Variants in DNAH10 observed in about 807,000 individuals in gnomAD.
DNAH10 encodes dynein axonemal heavy chain 10.
Under a neutral mutation model 506.6 loss-of-function variants are expected in DNAH10, and 348 were observed. The ratio of observed to expected loss-of-function variants is 0.69; its 90% CI spans 0.63 to 0.75. DNAH10 has a LOEUF of 0.75. Among genes scored for constraint, DNAH10 ranks in the 30% least tolerant of loss-of-function variants. The pLI, the probability that DNAH10 is intolerant of heterozygous loss-of-function variation, is 0.00. For missense variants in DNAH10, 5,179 were observed against 5,787.1 expected, an observed-to-expected ratio of 0.89 and a Z score of 3.41; for synonymous variants, 2,059 against 2,198.6, an observed-to-expected ratio of 0.94 and a Z score of 1.78.
intron 24 of DNAH10, among the ~76,000 whole-genome samples, chr12:123,824,924 T>G (rs1238223570): frequency 1.6e-4 from 25 of 152,142 alleles, no homozygotes; most frequent in Admixed American, 1.6e-3. Context: ...CGTGCATTTT[T>G]GGGGGACGCT....
In DNAH10 at chr12:123,887,135, A is replaced by T; in HGVS notation, c.8824-7A>T. 6.3e-7 allele frequency: 1 copy of T among 1,599,770 alleles called. No individual in the cohort carries two copies. Among genetic ancestry groups the T allele is most frequent in the South Asian group, 1.1e-5 (1 of 88,182 alleles). ...TGACGCCCATGTGCTCTGTGTCTGC[A>T]TCGCAGGTGTTTGAGATCCTGCTGA... On this transcript the variant is annotated splice_region_variant and splice_polypyrimidine_tract_variant and intron_variant, in intron 51 of 78. Transcript: ENST00000673944.
In DNAH10 at chr12:123,787,258, GTATCTATGTC is replaced by G. The variant is rs1275722919; in HGVS notation, c.1422-536_1422-527del. Among the ~76,000 whole-genome samples, 3 of 151,946 alleles carry G rather than the reference GTATCTATGTC, an allele frequency of 2.0e-5. No homozygotes were observed. The highest frequency in any genetic ancestry group is 4.4e-5 in the Non-Finnish European group (3 of 68,000). ...TGTCTATATCCATCTATACAGATAG[GTATCTATGTC>G]TATCTATGTATATGTATTTATATAG... On this transcript the variant is annotated intron_variant, in intron 9 of 78. Transcript: ENST00000673944. This position sits in a 1 kb window ranked among gnomAD's most constrained non-coding sequence, Gnocchi z 4.6.
chr12:123,762,502 C>T lies in DNAH10; in HGVS notation c.166C>T (p.Leu56Phe). ...GAGCGAGGAGGAGGGGCCCTCGGCG[C>T]TCTTCATCTACCGCACTATGGTGCC... is the stretch of plus-strand genomic sequence containing the variant. The part of the protein sequence containing the change: ...QASEEEGPSA[L>F]FIYRTMVPEE... The change falls in exon 1 of 79, where the codon CTC becomes TTC. Residue 56 changes from leucine to phenylalanine, a missense_variant. Leu to Phe is a conservative substitution (Grantham distance 22). This residue lies in a region of DNAH10 where 326 missense variants were observed against 330.8 expected (regional missense o/e 0.99). Coordinates refer to ENST00000673944, the MANE Select transcript of DNAH10 (RefSeq NM_001372106.1). The surrounding 1 kb of genome is among the most constrained non-coding windows in gnomAD (Gnocchi z 5.0). The T allele has an allele frequency of 1.3e-6, 2 of 1,535,786 alleles. No homozygotes were observed. The highest frequency in any genetic ancestry group is 1.8e-6 in the Non-Finnish European group (2 of 1,139,150).
chr12:123,904,494 T>G (rs777305808), intron 57 of DNAH10, among the ~76,000 whole-genome samples: 1 of 151,870 alleles, frequency 6.6e-6, no homozygotes, highest in Non-Finnish European at 1.5e-5. Flanking sequence ...GAACGGTGAG[T>G]CCCTTCCATC....
chr12:123,844,547 A>G (rs1357712632), intron 30 of DNAH10, among the ~76,000 whole-genome samples: 3 of 152,208 alleles, frequency 2.0e-5, no homozygotes, highest in Non-Finnish European at 2.9e-5. Context: ...GTTTTGTTTC[A>G]CTTTTCAGAC....
At chr12:123,894,359 C>T (rs971504956) in intron 53 of DNAH10, among the ~76,000 whole-genome samples, 13 of 151,878 alleles carry the variant, frequency 8.6e-5, no homozygotes, top group Admixed American at 2.6e-4. Context: ...CGGGTTCAAG[C>T]GATTCTCTCA....
intron 39 of DNAH10, among the ~76,000 whole-genome samples, chr12:123,863,090 C>A (rs1951675240): frequency 6.6e-6 from 1 of 151,948 alleles, no homozygotes; most frequent in Non-Finnish European, 1.5e-5. Context: ...AGGAAATAAA[C>A]CAAAATGTTA....
intron 51 of DNAH10, among the ~76,000 whole-genome samples, chr12:123,886,456 T>G (rs1335689428): frequency 6.6e-6 from 1 of 151,644 alleles, no homozygotes; most frequent in Non-Finnish European, 1.5e-5. Flanking sequence ...CCAGAAGGCA[T>G]CCTGGTTGCG....
rs1221433729 is a variant in DNAH10 at position 123,919,594 on chromosome 12, C to T, written c.11506+645C>T. On this transcript the variant is annotated intron_variant, in intron 65 of 78. Coordinates refer to ENST00000673944, the MANE Select transcript of DNAH10 (RefSeq NM_001372106.1). The surrounding 1 kb of genome is among the most constrained non-coding windows in gnomAD (Gnocchi z 4.9). ...TTTCCACCAGCCCCGAAATGAAATC[C>T]CATACCCATTAGCAGTCACCCCCTG... is the stretch of plus-strand genomic sequence containing the variant. Among the ~76,000 whole-genome samples the T allele has an allele frequency of 6.6e-6, 1 of 152,186 alleles. No individual in the cohort carries two copies. The highest frequency in any genetic ancestry group is 1.5e-5 in the Non-Finnish European group (1 of 68,024).
chr12:123,838,369 C>G lies in DNAH10; in HGVS notation c.4903-87C>G. Reference sequence around the variant, plus strand: ...GTTTTGTCTCGGCCGTGCCTGGGCTCTGGTGAGTGCCTGTTCTGGGCTCAA... The same window carrying G: ...GTTTTGTCTCGGCCGTGCCTGGGCTGTGGTGAGTGCCTGTTCTGGGCTCAA... On this transcript the variant is annotated intron_variant, in intron 28 of 78. Coordinates refer to ENST00000673944, the MANE Select transcript of DNAH10 (RefSeq NM_001372106.1). 4.1e-6 allele frequency: 5 copies of G among 1,221,252 alleles called. No homozygotes were observed. In the South Asian group the frequency reaches 7.2e-5, roughly 18 times the overall value. 75.7% of individuals were successfully genotyped at this position (1,221,252 alleles called of 1,614,324 possible).
chr12:123,904,888 C>A (rs570885151), intron 57 of DNAH10, among the ~76,000 whole-genome samples: 1 of 152,150 alleles, frequency 6.6e-6, no homozygotes, highest in African/African-American at 2.4e-5. Flanking sequence ...GAAAAGCCCA[C>A]GGCCACTGTG....
intron 52 of DNAH10, 105 bp from the exon 53 acceptor site, chr12:123,893,128 C>T: frequency 2.4e-6 from 3 of 1,235,392 alleles, no homozygotes; most frequent in South Asian, 2.7e-5. Flanking sequence ...GCTCTCTGGA[C>T]TCAGCACCTG....
chr12:123,847,976 C>G lies in DNAH10; in HGVS notation c.5830C>G (p.Leu1944Val). 6 of 1,613,076 alleles carry G rather than the reference C, an allele frequency of 3.7e-6. No homozygotes were observed. Among genetic ancestry groups the G allele is most frequent in the Non-Finnish European group, 5.1e-6 (6 of 1,179,508 alleles). Residue 1944 changes from leucine to valine, a missense_variant, in exon 33 of 79, where the codon CTA (leucine) becomes GTA (valine). Leu to Val is a conservative substitution (Grantham distance 32). Around this residue, in one of 3 missense-constraint regions of DNAH10, gnomAD observed 4,844 missense variants for 5,430.5 expected, o/e 0.89. Transcript: ENST00000673944. ...LTLTQALSMY[L>V]GGAPAGPAGT... ...CTTATAACAGGCGCTGTCCATGTAT[C>G]TAGGTGGGGCCCCCGCCGGCCCAGC...
rs1952028503 is a variant in DNAH10, at chr12:123,871,398, C to T, written c.7640-59C>T. Reference sequence around the variant, plus strand: ...GGGTTCTAGGACAACTCCATGTTGCCCCCAGTGCTCACCCTATTGGAGTTG... The same window carrying T: ...GGGTTCTAGGACAACTCCATGTTGCTCCCAGTGCTCACCCTATTGGAGTTG... On this transcript the variant is annotated intron_variant, in intron 44 of 78. Coordinates refer to ENST00000673944, the MANE Select transcript of DNAH10 (RefSeq NM_001372106.1). 2.6e-6 allele frequency: 4 copies of T among 1,550,162 alleles called. No individual in the cohort carries two copies. The East Asian group carries it at 9.5e-5, about 37-fold the overall frequency.
chr12:123,772,712 A>G (rs2135981945), intron 3 of DNAH10, 122 bp from the exon 4 acceptor site: 2 of 720,012 alleles, frequency 2.8e-6, no homozygotes, highest in Admixed American at 2.9e-5. Flanking sequence ...CTGTGGCTAC[A>G]TTGTCAGAAC....
chr12:123,934,553 TGATA>T (rs1203332503), intron 77 of DNAH10, 64 bp from the exon 78 acceptor site: 1 of 1,587,446 alleles, frequency 6.3e-7, no homozygotes, highest in Non-Finnish European at 8.6e-7. Flanking sequence ...TGTGTGCGCC[TGATA>T]GAGCCACTCC....
intron 5 of DNAH10, among the ~76,000 whole-genome samples, chr12:123,776,118 G>A (rs928169802): frequency 2.0e-5 from 3 of 152,260 alleles, no homozygotes; most frequent in African/African-American, 4.8e-5. Context: ...CCCATGACAC[G>A]TGGGGATTAT....
Position 123,787,906 on chromosome 12 carries a change from G to A in DNAH10, c.1524G>A (p.Ser508=), listed in dbSNP as rs774535004. Reference sequence around the variant, plus strand: ...ACACCCGGGCCAAGATAGAGGCTTCGGGGAGGGAAGATCGGTGGGAGTTTG... The same window carrying A: ...ACACCCGGGCCAAGATAGAGGCTTCAGGGAGGGAAGATCGGTGGGAGTTTG... ...YFDTRAKIEA[S]GREDRWEFDR... is the part of the protein sequence containing the mutation. Residue 508 remains serine (S), a synonymous_variant, in exon 10 of 79, where the codon TCG becomes TCA. Coordinates refer to ENST00000673944, the MANE Select transcript of DNAH10 (RefSeq NM_001372106.1). The surrounding 1 kb of genome is among the most constrained non-coding windows in gnomAD (Gnocchi z 4.6). 3.1e-6 allele frequency: 5 copies of A among 1,612,142 alleles called. No individual in the cohort carries two copies. In the South Asian group the frequency reaches 3.3e-5, roughly 11 times the overall value.
chr12:123,867,871 T>C (rs1400698644), intron 42 of DNAH10, 32 bp from the exon 43 acceptor site: 4 of 1,596,094 alleles, frequency 2.5e-6, no homozygotes, highest in Non-Finnish European at 2.6e-6. Context: ...GTGGACTATG[T>C]GGGCTGAACC....
Sources: gnomAD v4.1 joint callset for allele counts (sites outside exome capture counted in the v4.1 genomes callset) on GRCh38, gnomAD v4.1.1 for gene constraint, gnomAD v4.1.1 regional missense constraint, Gnocchi (gnomAD v3.1) non-coding constraint, MANE v1.5 for transcripts, NCBI Gene and HGNC (gene_info 2026-07-23, HGNC 2026-07-21) for gene names.